Variants in FHOD3 observed in about 807,000 individuals in gnomAD.
FHOD3 encodes formin homology 2 domain containing 3, also known as FH1/FH2 domain-containing protein 3.
A neutral mutation model predicts 173.0 loss-of-function variants in FHOD3; 90 were observed. The observed-to-expected ratio is 0.52, with a 90% CI of 0.44 to 0.62. FHOD3 has a LOEUF of 0.62. FHOD3 is among the 20% of genes least tolerant of loss of function. FHOD3 has a pLI of 0.00. For missense variants in FHOD3, 1,945 were observed against 2,034.7 expected (o/e 0.96, Z 0.85); for synonymous variants, 828 against 823.0 (o/e 1.01, Z -0.10).
chr18:36,316,082 C>T (rs1464934507), intron 1 of FHOD3, among the ~76,000 whole-genome samples: 1 of 151,234 alleles, frequency 6.6e-6, no homozygotes, highest in African/African-American at 2.4e-5. Context: ...ATCTTTAAGC[C>T]TCTTTTCTTC....
At chr18:36,355,209 C>G (rs2046305071) in intron 1 of FHOD3, among the ~76,000 whole-genome samples, 1 of 152,130 alleles carries the variant, frequency 6.6e-6, no homozygotes. Context: ...GCATCGTGAT[C>G]TCGATTTCCA....
At chr18:36,437,351 A>G (rs1052478615) in intron 3 of FHOD3, among the ~76,000 whole-genome samples, 3 of 152,212 alleles carry the variant, frequency 2.0e-5, no homozygotes, top group African/African-American at 7.2e-5. Flanking sequence ...TGCTTGTGCT[A>G]CAACAAAACA....
chr18:36,683,519 G>C (rs528173769), intron 15 of FHOD3, among the ~76,000 whole-genome samples: 22 of 152,246 alleles, frequency 1.4e-4, no homozygotes, highest in African/African-American at 5.1e-4. Context: ...CTAAAATTCA[G>C]TTTTACAAAA....
At chr18:36,548,557 T>G (rs1033028168) in intron 5 of FHOD3, among the ~76,000 whole-genome samples, 1 of 152,238 alleles carries the variant, frequency 6.6e-6, no homozygotes, top group Non-Finnish European at 1.5e-5. Context: ...CCAGAAAGTC[T>G]GCTTCAACGA....
At chr18:36,533,264 A>G (rs1315551252) in intron 5 of FHOD3, among the ~76,000 whole-genome samples, 1 of 152,248 alleles carries the variant, frequency 6.6e-6, no homozygotes, top group Non-Finnish European at 1.5e-5. Flanking sequence ...GTAGTGTTAA[A>G]TAGATGAGCA....
At chr18:36,608,380 TC>T (rs1200700369) in intron 8 of FHOD3, among the ~76,000 whole-genome samples, 1 of 152,190 alleles carries the variant, frequency 6.6e-6, no homozygotes, top group Non-Finnish European at 1.5e-5. Context: ...AGGAAACTAC[TC>T]CTACAATAAT....
chr18:36,424,601 C>G (rs1471814285), intron 3 of FHOD3, among the ~76,000 whole-genome samples: 1 of 152,288 alleles, frequency 6.6e-6, no homozygotes, highest in Middle Eastern at 3.4e-3. Flanking sequence ...GAATGAATCT[C>G]AGATCATTTA....
intron 17 of FHOD3, among the ~76,000 whole-genome samples, chr18:36,698,100 C>A (rs917455292): frequency 6.6e-6 from 1 of 152,178 alleles, no homozygotes; most frequent in Non-Finnish European, 1.5e-5. Flanking sequence ...TTCAGTGTTT[C>A]ATGAATTGGC....
At chr18:36,714,532 G>A (rs965189955) in intron 18 of FHOD3, among the ~76,000 whole-genome samples, 1 of 152,112 alleles carries the variant, frequency 6.6e-6, no homozygotes, top group Admixed American at 6.5e-5. Flanking sequence ...GTGAGACTCT[G>A]TCTCGAAGAA....
At chr18:36,626,118 G>C (rs2034090138) in intron 10 of FHOD3, among the ~76,000 whole-genome samples, 1 of 152,172 alleles carries the variant, frequency 6.6e-6, no homozygotes, top group Non-Finnish European at 1.5e-5. Context: ...ATGTGGGGTT[G>C]GAAGAGTCTC....
At chr18:36,709,518 T>C in intron 18 of FHOD3, 127 bp downstream of exon 18, 1 of 1,007,792 alleles carries the variant, frequency 9.9e-7, no homozygotes, top group Non-Finnish European at 1.4e-6. Flanking sequence ...CATGTGGCTG[T>C]GTCACCCAGT....
intron 15 of FHOD3, among the ~76,000 whole-genome samples, chr18:36,686,468 A>G (rs1482739009): frequency 2.7e-5 from 4 of 150,012 alleles, no homozygotes; most frequent in Admixed American, 2.0e-4. Flanking sequence ...TGTGAGAACA[A>G]CACACACTGG....
intron 5 of FHOD3, among the ~76,000 whole-genome samples, chr18:36,554,758 T>C (rs1347699534): frequency 6.6e-6 from 1 of 152,242 alleles, no homozygotes; most frequent in Admixed American, 6.5e-5. Context: ...ATTTCTTTAA[T>C]AGATGTTGGA....
chr18:36,679,809 A>G (rs1465391528), intron 14 of FHOD3, among the ~76,000 whole-genome samples: 1 of 152,242 alleles, frequency 6.6e-6, no homozygotes, highest in East Asian at 1.9e-4. Context: ...TTGATGGTCA[A>G]TTTTTGAGTA....
At chr18:36,438,107 G>T (rs1054832156) in intron 3 of FHOD3, among the ~76,000 whole-genome samples, 2 of 152,176 alleles carry the variant, frequency 1.3e-5, no homozygotes, top group Non-Finnish European at 1.5e-5. Flanking sequence ...GAACCTCCAT[G>T]AAGACCTCAA....
chr18:36,764,394 G>A (rs2043051038), intron 27 of FHOD3, among the ~76,000 whole-genome samples: 2 of 152,122 alleles, frequency 1.3e-5, no homozygotes, highest in Admixed American at 1.3e-4. Context: ...TCCCATGTAT[G>A]AGCTTGTCTT....
intron 3 of FHOD3, among the ~76,000 whole-genome samples, chr18:36,485,166 A>T: frequency 6.6e-6 from 1 of 151,848 alleles, no homozygotes; most frequent in East Asian, 1.9e-4. Flanking sequence ...TTCCCCACCC[A>T]TATGTCCTGG....
chr18:36,371,805 G>A (rs2047205171), intron 2 of FHOD3, among the ~76,000 whole-genome samples: 2 of 152,214 alleles, frequency 1.3e-5, no homozygotes, highest in Admixed American at 1.3e-4. Flanking sequence ...AAGCCCTGGT[G>A]GAGAGAGGTG....
intron 3 of FHOD3, among the ~76,000 whole-genome samples, chr18:36,430,507 G>A (rs112007315): frequency 0.087 from 13,178 of 152,252 alleles, 582 homozygotes; most frequent in Non-Finnish European, 0.1. Flanking sequence ...GTGAGCCACC[G>A]TGCCCAGCCA....
Sources: allele counts gnomAD v4.1 joint callset (sites outside exome capture counted in the v4.1 genomes callset), GRCh38; gene constraint gnomAD v4.1.1; transcripts MANE v1.5; gene names NCBI Gene and HGNC (gene_info 2026-07-23, HGNC 2026-07-21).